The following EYS variants were observed in gnomAD, a reference collection of about 807,000 sequenced individuals.
EYS encodes protein eyes shut homolog.
In EYS, 250 loss-of-function variants were observed where a neutral mutation model predicts 282.1. The ratio of observed to expected loss-of-function variants is 0.89; its 90% CI spans 0.80 to 0.98. EYS has a LOEUF of 0.98. Among genes scored for constraint, EYS ranks in the 50% least tolerant of loss-of-function variants. The probability of loss-of-function intolerance (pLI) is 0.00; values close to 1 mark genes in which losing one functional copy is unlikely to be tolerated. For missense variants in EYS, 4,016 were observed against 3,709.0 expected, an observed-to-expected ratio of 1.08 and a Z score of -2.15; for synonymous variants, 1,355 against 1,282.9, an observed-to-expected ratio of 1.06 and a Z score of -1.20.
rs550926792 is a variant in EYS, at chr6:65,632,997, T to A, written c.-333+6781A>T. Among the ~76,000 whole-genome samples, 3 of 152,242 alleles carry A rather than the reference T, an allele frequency of 2.0e-5. No individual in the cohort carries two copies. The South Asian group carries it at 6.2e-4, about 32-fold the overall frequency. On this transcript the variant is annotated intron_variant, in intron 2 of 42. Coordinates refer to ENST00000503581, the MANE Select transcript of EYS (RefSeq NM_001142800.2). ...AAAAGCCTCAATGTTACACAGCAAA[T>A]ATGTCTATCTACAGAAATTTATTAA... is the stretch of plus-strand genomic sequence containing the variant.
intron 41 of EYS, among the ~76,000 whole-genome samples, chr6:63,751,226 A>G (rs1199579103): frequency 6.6e-6 from 1 of 152,190 alleles, no homozygotes; most frequent in East Asian, 1.9e-4. Context: ...TATGAGTTTA[A>G]ATGGATAATC....
rs1456324595 is a variant in EYS at position 64,984,736 on chromosome 6, G to A, written c.2259+12846C>T. ...AACTGAACTCCCTCTGCCTTACAGTGCAGCCAGGGACATATCTTCTTAGTG... is the reference window on the plus strand; with the variant it reads ...AACTGAACTCCCTCTGCCTTACAGTACAGCCAGGGACATATCTTCTTAGTG... On this transcript the variant is annotated intron_variant, in intron 14 of 42. Coordinates refer to ENST00000503581, the MANE Select transcript of EYS (RefSeq NM_001142800.2). Among the ~76,000 whole-genome samples, 3 of 151,310 alleles carry A rather than the reference G, an allele frequency of 2.0e-5. No individual in the cohort carries two copies. The East Asian group carries it at 5.8e-4, about 29-fold the overall frequency.
chr6:64,652,163 C>T (rs1000339336), intron 22 of EYS, among the ~76,000 whole-genome samples: 1 of 152,156 alleles, frequency 6.6e-6, no homozygotes, highest in Non-Finnish European at 1.5e-5. Context: ...TCTAAGGTGA[C>T]CCACAGTCAT....
chr6:65,548,894 AC>A (rs1768494509), intron 2 of EYS, among the ~76,000 whole-genome samples: 1 of 152,238 alleles, frequency 6.6e-6, no homozygotes, highest in Admixed American at 6.5e-5. Flanking sequence ...GTGGTTCCCA[AC>A]CTTTTTGGCA....
chr6:63,769,351 G>A (rs1769875819), intron 40 of EYS, among the ~76,000 whole-genome samples: 1 of 151,852 alleles, frequency 6.6e-6, no homozygotes. Flanking sequence ...AGGACATAAG[G>A]CAGATTTAAT....
Position 63,762,653 on chromosome 6 carries a change from C to T in EYS, c.7899-20G>A, listed in dbSNP as rs774620129. On this transcript the variant is annotated intron_variant, in intron 40 of 42. Coordinates refer to ENST00000503581, the MANE Select transcript of EYS (RefSeq NM_001142800.2). Reference sequence around the variant, plus strand: ...TTGCAGCTGTGGGTTGAGAGAAAGCCGCATGGTTTGAGCACTTGTTTAGAG... The same window carrying T: ...TTGCAGCTGTGGGTTGAGAGAAAGCTGCATGGTTTGAGCACTTGTTTAGAG... 84 of 1,547,710 alleles carry T rather than the reference C, an allele frequency of 5.4e-5. No homozygotes were observed. In the Middle Eastern group the frequency reaches 1.0e-3, roughly 19 times the overall value.
intron 11 of EYS, among the ~76,000 whole-genome samples, chr6:65,310,735 G>A (rs940667852): frequency 7.9e-5 from 12 of 151,884 alleles, no homozygotes; most frequent in African/African-American, 1.9e-4. Context: ...TTTCTCGAGT[G>A]ATTCCCATTT....
chr6:64,274,482 T>C (rs1169254280), intron 30 of EYS, among the ~76,000 whole-genome samples: 2 of 18,120 alleles, frequency 1.1e-4, no homozygotes. Flanking sequence ...CGCCTGGCCG[T>C]TTTTTTTTTT....
intron 2 of EYS, among the ~76,000 whole-genome samples, chr6:65,615,517 T>A (rs1766158227): frequency 6.6e-6 from 1 of 151,652 alleles, no homozygotes; most frequent in Admixed American, 6.6e-5. Flanking sequence ...GTCTTTTGGA[T>A]AATATGATTT....
intron 22 of EYS, among the ~76,000 whole-genome samples, chr6:64,801,557 ACT>A (rs1325839015): frequency 6.6e-6 from 1 of 151,992 alleles, no homozygotes. Context: ...ATGATAACTG[ACT>A]CTGTAAATTT....
At chr6:64,988,851 A>T (rs910546403) in intron 14 of EYS, among the ~76,000 whole-genome samples, 19 of 151,652 alleles carry the variant, frequency 1.3e-4, no homozygotes, top group African/African-American at 4.1e-4. Flanking sequence ...AAAACACATG[A>T]TCAGTGAAGA....
At chr6:65,259,638 G>T (rs1480169193) in intron 12 of EYS, among the ~76,000 whole-genome samples, 1 of 151,992 alleles carries the variant, frequency 6.6e-6, no homozygotes, top group Non-Finnish European at 1.5e-5. Context: ...TTATTGGTTT[G>T]TTTTGTTTGT....
intron 18 of EYS, among the ~76,000 whole-genome samples, chr6:64,893,340 A>T (rs1446868268): frequency 6.6e-6 from 1 of 151,994 alleles, no homozygotes; most frequent in Admixed American, 6.6e-5. Flanking sequence ...ACCATAAGAG[A>T]GAATAGAATA....
At chr6:65,668,023 G>C (rs1768259027) in intron 1 of EYS, among the ~76,000 whole-genome samples, 1 of 151,852 alleles carries the variant, frequency 6.6e-6, no homozygotes. Flanking sequence ...CATTGAAGTA[G>C]TATCAGTAGT....
intron 12 of EYS, among the ~76,000 whole-genome samples, chr6:65,237,918 G>A (rs1182586246): frequency 6.6e-6 from 1 of 151,992 alleles, no homozygotes; most frequent in Non-Finnish European, 1.5e-5. Flanking sequence ...TTTGGCAAAA[G>A]AAAAATGGTA....
At chr6:64,700,724 T>A (rs1562142496) in intron 22 of EYS, among the ~76,000 whole-genome samples, 1 of 151,934 alleles carries the variant, frequency 6.6e-6, no homozygotes, top group Non-Finnish European at 1.5e-5. Flanking sequence ...AAATCATAGA[T>A]GATTCAAACA....
intron 5 of EYS, among the ~76,000 whole-genome samples, chr6:65,443,394 A>G (rs199883777): frequency 0.02 from 2,572 of 125,926 alleles, 213 homozygotes; most frequent in Middle Eastern, 0.034. Context: ...ATATATGCAT[A>G]CATGTATGTA....
At chr6:65,022,817 G>T (rs949386870) in intron 13 of EYS, among the ~76,000 whole-genome samples, 1 of 151,556 alleles carries the variant, frequency 6.6e-6, no homozygotes, top group African/African-American at 2.4e-5. Flanking sequence ...AATGCATAAA[G>T]ACATCATTTG....
chr6:64,896,234 C>A (rs543120956), intron 18 of EYS, among the ~76,000 whole-genome samples: 2 of 152,148 alleles, frequency 1.3e-5, no homozygotes, highest in South Asian at 4.1e-4. Flanking sequence ...CTGAGGTACC[C>A]AGTTCATCTC....
Sources: gnomAD v4.1 joint callset for allele counts (sites outside exome capture counted in the v4.1 genomes callset) on GRCh38, gnomAD v4.1.1 for gene constraint, MANE v1.5 for transcripts, NCBI Gene and HGNC (gene_info 2026-07-23, HGNC 2026-07-21) for gene names.